GPR137B: variants seen among roughly 807,000 people sequenced by gnomAD.
GPR137B encodes integral membrane protein GPR137B.
A neutral mutation model predicts 42.5 loss-of-function variants in GPR137B; 42 were observed. That is an observed-to-expected ratio of 0.99 (90% CI 0.77 to 1.28). The LOEUF (loss-of-function observed/expected upper bound fraction) is 1.28. GPR137B is among the 50% of genes most tolerant of loss of function. The pLI is 0.00. For synonymous variants in GPR137B, 218 were observed against 209.7 expected (o/e 1.04, Z -0.34); for missense variants, 487 against 493.9 (o/e 0.99, Z 0.13).
intron 5 of GPR137B, among the ~76,000 whole-genome samples, chr1:236,189,440 C>T (rs1316984123): frequency 6.6e-6 from 1 of 152,154 alleles, no homozygotes; most frequent in African/African-American, 2.4e-5. Context: ...TTCCTGCTTT[C>T]TCTTGTGGGC....
At position 236,168,515 on chromosome 1, in the gene GPR137B, C is replaced by T. The variant is rs187437040; in HGVS notation, c.415-191C>T. Among the ~76,000 whole-genome samples, 19 of 150,936 alleles carry T rather than the reference C, an allele frequency of 1.3e-4. No individual in the cohort carries two copies. The East Asian group carries it at 1.9e-3, about 15-fold the overall frequency. On this transcript the variant is annotated intron_variant, in intron 1 of 6. Coordinates refer to ENST00000366592, the MANE Select transcript of GPR137B (RefSeq NM_003272.4). ...TTTTGTTTTCTTTTTTAACCATGTTCGAATTCCTTTACTATTAAAACTGTA... is the reference window on the plus strand; with the variant it reads ...TTTTGTTTTCTTTTTTAACCATGTTTGAATTCCTTTACTATTAAAACTGTA...
chr1:236,193,011 C>A (rs192051652), intron 5 of GPR137B, among the ~76,000 whole-genome samples: 238 of 152,200 alleles, frequency 1.6e-3, no homozygotes, highest in African/African-American at 5.5e-3. Flanking sequence ...TCCCCTGCCT[C>A]AGACTCCCAA....
Position 236,171,378 on chromosome 1 carries a change from CA to C in GPR137B, c.464+2624del, listed in dbSNP as rs1285953360. Among the ~76,000 whole-genome samples, 2 of 152,190 alleles carry C rather than the reference CA, an allele frequency of 1.3e-5. No homozygotes were observed. The highest frequency in any genetic ancestry group is 2.4e-5 in the African/African-American group (1 of 41,442). On this transcript the variant is annotated intron_variant, in intron 2 of 6. Transcript: ENST00000366592. The surrounding 1 kb of genome is among the most constrained non-coding windows in gnomAD (Gnocchi z 4.4). The stretch of plus-strand genomic sequence containing the variant: ...CTATAGTCTTTGCCCTGCATCCCCC[CA>C]GCCAGAAATGTAGGTCAAAGCATGA...
In GPR137B at chr1:236,208,546, C is replaced by G; in HGVS notation, c.*388C>G. ...ACTTTAAAAATATAGAATATATGGT[C>G]TAATAGTTTTTTAAAGCTTTTGGAC... is the stretch of plus-strand genomic sequence containing the variant. On this transcript the variant is annotated 3_prime_UTR_variant, in exon 7 of 7. Coordinates refer to ENST00000366592, the MANE Select transcript of GPR137B (RefSeq NM_003272.4). The G allele has an allele frequency of 1.1e-6, 1 of 942,836 alleles. No individual in the cohort carries two copies. The highest frequency in any genetic ancestry group is 1.3e-6 in the Non-Finnish European group (1 of 789,040). The allele number at this position is 942,836 out of a possible 1,614,324, so 58.4% of individuals were successfully genotyped here. A position where few individuals can be genotyped will look rare whatever the true frequency, so the allele number is the denominator to read the frequency against.
rs540989010 is a variant in GPR137B, at chr1:236,156,190, A to C, written c.415-12516A>C. ...GCTCACTGAAGTCTGGGGGGCCCAC[A>C]TTCCAAGGGCCAGCACGAGGCCAGG... On this transcript the variant is annotated intron_variant, in intron 1 of 6. Transcript: ENST00000366592. The surrounding 1 kb of genome is among the most constrained non-coding windows in gnomAD (Gnocchi z 4.8). 1.3e-5 allele frequency among the ~76,000 whole-genome samples: 2 copies of C among 152,192 alleles called. No homozygotes were observed. Among genetic ancestry groups the C allele is most frequent in the Non-Finnish European group, 2.9e-5 (2 of 68,028 alleles).
intron 1 of GPR137B, among the ~76,000 whole-genome samples, chr1:236,151,860 C>T (rs1273962756): frequency 6.6e-6 from 1 of 152,184 alleles, no homozygotes; most frequent in Admixed American, 6.5e-5. Context: ...CTCTCCCTGT[C>T]ACCTTGGACT....
rs7528497 is a variant in GPR137B at position 236,150,193 on chromosome 1, G to C, written c.414+7157G>C. 4.2e-5 allele frequency among the ~76,000 whole-genome samples: 6 copies of C among 144,162 alleles called. No homozygotes were observed. Among genetic ancestry groups the C allele is most frequent in the Admixed American group, 1.4e-4 (2 of 14,666 alleles). The allele number at this position is 144,162 out of a possible 152,430, so 94.6% of individuals were successfully genotyped here. On this transcript the variant is annotated intron_variant, in intron 1 of 6. Coordinates refer to ENST00000366592, the MANE Select transcript of GPR137B (RefSeq NM_003272.4). This position sits in a 1 kb window ranked among gnomAD's most constrained non-coding sequence, Gnocchi z 6.2. ...TGCCCGTTTGTGTTTGTGTGTGTCT[G>C]TGTGCCTGTGTGTGTGTCTGTGCCT...
chr1:236,205,619 C>A (rs1020056751), intron 6 of GPR137B, among the ~76,000 whole-genome samples: 1 of 152,220 alleles, frequency 6.6e-6, no homozygotes, highest in Non-Finnish European at 1.5e-5. Context: ...TGGCTCACTG[C>A]AACCTCCCGC....
chr1:236,180,062 C>T (rs1191220905), intron 4 of GPR137B, 34 bp downstream of exon 4: 1 of 1,586,408 alleles, frequency 6.3e-7, no homozygotes, highest in Non-Finnish European at 8.7e-7. Flanking sequence ...GTCACCTGAC[C>T]AGGGACTCTT....
At position 236,171,075 on chromosome 1, in the gene GPR137B, A is replaced by G. The variant is rs769641994; in HGVS notation, c.464+2320A>G. Among the ~76,000 whole-genome samples, 7 of 152,196 alleles carry G rather than the reference A, an allele frequency of 4.6e-5. No homozygotes were observed. The highest frequency in any genetic ancestry group is 8.8e-5 in the Non-Finnish European group (6 of 68,040). ...AACACGAAATGTATTTATGTTTCAG[A>G]TACACCTTATACACATATCCTGAAG... On this transcript the variant is annotated intron_variant, in intron 2 of 6. Coordinates refer to ENST00000366592, the MANE Select transcript of GPR137B (RefSeq NM_003272.4). This position sits in a 1 kb window ranked among gnomAD's most constrained non-coding sequence, Gnocchi z 4.4.
At chr1:236,201,224 T>C (rs2102925119) in intron 5 of GPR137B, among the ~76,000 whole-genome samples, 1 of 152,160 alleles carries the variant, frequency 6.6e-6, no homozygotes, top group East Asian at 1.9e-4. Context: ...TTAAAATTCT[T>C]TCCTTTGTCT....
intron 2 of GPR137B, among the ~76,000 whole-genome samples, chr1:236,170,770 G>A (rs1367277557): frequency 6.6e-6 from 1 of 152,132 alleles, no homozygotes; most frequent in Non-Finnish European, 1.5e-5. Flanking sequence ...GAGGTCAGGA[G>A]TTTGAGACCA....
In GPR137B at chr1:236,155,189, C is replaced by T. The variant is rs1003241656; in HGVS notation, c.414+12153C>T. Among the ~76,000 whole-genome samples, 2 of 152,238 alleles carry T rather than the reference C, an allele frequency of 1.3e-5. No individual in the cohort carries two copies. Among genetic ancestry groups the T allele is most frequent in the African/African-American group, 2.4e-5 (1 of 41,472 alleles). On this transcript the variant is annotated intron_variant, in intron 1 of 6. Coordinates refer to ENST00000366592, the MANE Select transcript of GPR137B (RefSeq NM_003272.4). The surrounding 1 kb of genome is among the most constrained non-coding windows in gnomAD (Gnocchi z 4.6). Reference sequence around the variant, plus strand: ...GGTCCGTGCGCTTCTGTGGCTGAAGCGGCCGGGCCGCAGCTATTCCTGCGG... The same window carrying T: ...GGTCCGTGCGCTTCTGTGGCTGAAGTGGCCGGGCCGCAGCTATTCCTGCGG...
chr1:236,163,707 C>T (rs1662264240), intron 1 of GPR137B, among the ~76,000 whole-genome samples: 1 of 152,180 alleles, frequency 6.6e-6, no homozygotes, highest in East Asian at 1.9e-4. Flanking sequence ...TAAGAAGTGC[C>T]TTTCGCCACC....
intron 3 of GPR137B, among the ~76,000 whole-genome samples, chr1:236,179,147 A>G (rs1473452278): frequency 6.6e-6 from 1 of 152,020 alleles, no homozygotes; most frequent in East Asian, 1.9e-4. Context: ...GAAGGGTTGA[A>G]TCATAGGTTG....
chr1:236,152,296 T>C (rs897524338), intron 1 of GPR137B, among the ~76,000 whole-genome samples: 1 of 151,572 alleles, frequency 6.6e-6, no homozygotes, highest in Non-Finnish European at 1.5e-5. Context: ...ATCTCATCTG[T>C]ACAAAAAATT....
intron 4 of GPR137B, among the ~76,000 whole-genome samples, chr1:236,182,221 C>A (rs1439657299): frequency 6.6e-6 from 1 of 152,110 alleles, no homozygotes; most frequent in Admixed American, 6.5e-5. Flanking sequence ...GTGTACAGTT[C>A]ACTGGTATTA....
intron 1 of GPR137B, among the ~76,000 whole-genome samples, chr1:236,167,650 C>G (rs374271866): frequency 4.2e-4 from 64 of 152,280 alleles, no homozygotes; most frequent in African/African-American, 1.5e-3. Flanking sequence ...CCTTTCTTTC[C>G]TTCTCCCAGT....
At chr1:236,172,267 A>G (rs6702348) in intron 2 of GPR137B, among the ~76,000 whole-genome samples, 4,633 of 152,300 alleles carry the variant, frequency 0.03, 231 homozygotes, top group East Asian at 0.25. Context: ...ATTTCAGGCC[A>G]CAATCTCTCC....
Sources: gnomAD v4.1 joint callset for allele counts (sites outside exome capture counted in the v4.1 genomes callset) on GRCh38, gnomAD v4.1.1 for gene constraint, Gnocchi (gnomAD v3.1) non-coding constraint, MANE v1.5 for transcripts, NCBI Gene and HGNC (gene_info 2026-07-23, HGNC 2026-07-21) for gene names.